The following TCERG1L variants were observed in gnomAD, a reference collection of about 807,000 sequenced individuals.
The protein encoded by TCERG1L is transcription elongation regulator 1 like.
TCERG1L carries 37 observed loss-of-function variants against 56.3 expected under a neutral mutation model. The observed-to-expected ratio is 0.66, with a 90% CI of 0.51 to 0.87. The LOEUF is 0.87. Ranked by LOEUF, TCERG1L falls within the 40% of genes least tolerant of loss-of-function variation. TCERG1L has a pLI of 0.00. For missense variants in TCERG1L, 799 were observed against 774.2 expected (o/e 1.03, Z -0.38); for synonymous variants, 324 against 326.3 (o/e 0.99, Z 0.08).
chr10:131,104,428 A>C (rs1845331243), intron 9 of TCERG1L, 74 bp from the exon 10 acceptor site: 2 of 971,508 alleles, frequency 2.1e-6, no homozygotes, highest in Non-Finnish European at 3.2e-6. Flanking sequence ...AATGATCCAC[A>C]GTTAAAAACA....
intron 4 of TCERG1L, among the ~76,000 whole-genome samples, chr10:131,220,195 C>T (rs1383241174): frequency 6.6e-6 from 1 of 152,204 alleles, no homozygotes; most frequent in Non-Finnish European, 1.5e-5. Flanking sequence ...CCCCCAACAT[C>T]CCCTGGCTCT....
intron 4 of TCERG1L, among the ~76,000 whole-genome samples, chr10:131,240,306 C>G (rs574669577): frequency 1.3e-5 from 2 of 152,206 alleles, no homozygotes; most frequent in African/African-American, 4.8e-5. Flanking sequence ...ATTATCCACA[C>G]GGAACTCAGA....
rs1357336726 is a variant in TCERG1L, at chr10:131,093,203, G to A, written c.1720C>T (p.Arg574Trp). The part of the protein sequence containing the change: ...FNQFILILKK[R>W]DKENRLRLRK... ...AGCCTTAGTCTGTTTTCCTTGTCCC[G>A]TTTCTTAAGAATAAGTATGAATTGG... The change falls in exon 12 of 12, where the codon CGG becomes TGG. Residue 574 changes from arginine to tryptophan, a missense_variant. Arg to Trp is a moderately radical substitution (Grantham distance 101, BLOSUM62 -3). Transcript: ENST00000368642. 7.4e-6 allele frequency: 12 copies of A among 1,613,766 alleles called. No homozygotes were observed. Among genetic ancestry groups the A allele is most frequent in the Admixed American group, 1.7e-5 (1 of 60,014 alleles).
intron 10 of TCERG1L, among the ~76,000 whole-genome samples, chr10:131,101,130 G>A (rs1845300489): frequency 6.6e-6 from 1 of 152,214 alleles, no homozygotes. Flanking sequence ...ACCAGCCCAG[G>A]CAGGCCCAAC....
intron 4 of TCERG1L, among the ~76,000 whole-genome samples, chr10:131,230,332 C>A (rs976147446): frequency 1.3e-5 from 2 of 152,216 alleles, no homozygotes; most frequent in African/African-American, 2.4e-5. Flanking sequence ...GTGGTCACTG[C>A]GTGCCTGTGA....
At chr10:131,258,066 C>T (rs933171408) in intron 4 of TCERG1L, among the ~76,000 whole-genome samples, 1 of 152,146 alleles carries the variant, frequency 6.6e-6, no homozygotes, top group Non-Finnish European at 1.5e-5. Context: ...ATTTCCTCTC[C>T]GCCAGGCCGG....
intron 4 of TCERG1L, among the ~76,000 whole-genome samples, chr10:131,258,525 A>T (rs1013543697): frequency 2.0e-5 from 3 of 152,184 alleles, no homozygotes; most frequent in Non-Finnish European, 4.4e-5. Flanking sequence ...AGACCTGCTC[A>T]TCACCGGTCC....
chr10:131,182,704 G>A (rs1357357695), intron 4 of TCERG1L, among the ~76,000 whole-genome samples: 5 of 152,246 alleles, frequency 3.3e-5, no homozygotes, highest in African/African-American at 7.2e-5. Flanking sequence ...ATATCAAGTC[G>A]GCTCTGACTT....
chr10:131,240,079 T>G (rs1845954256), intron 4 of TCERG1L, among the ~76,000 whole-genome samples: 1 of 152,204 alleles, frequency 6.6e-6, no homozygotes, highest in African/African-American at 2.4e-5. Flanking sequence ...GTCCCTGTGG[T>G]GGGACACGAC....
intron 8 of TCERG1L, among the ~76,000 whole-genome samples, chr10:131,128,883 G>T (rs984587834): frequency 1.3e-5 from 2 of 152,100 alleles, no homozygotes; most frequent in Admixed American, 1.3e-4. Context: ...TCCTGCCAGA[G>T]CACTAATCAA....
chr10:131,222,302 T>C (rs942944509), intron 4 of TCERG1L, among the ~76,000 whole-genome samples: 1 of 152,234 alleles, frequency 6.6e-6, no homozygotes. Flanking sequence ...ATACATGATA[T>C]TTTGTGCGGA....
At chr10:131,213,438 A>C (rs1845637134) in intron 4 of TCERG1L, among the ~76,000 whole-genome samples, 1 of 152,218 alleles carries the variant, frequency 6.6e-6, no homozygotes, top group South Asian at 2.1e-4. Context: ...GGATATTAGG[A>C]AACATGATTC....
intron 4 of TCERG1L, among the ~76,000 whole-genome samples, chr10:131,231,681 C>T (rs928602213): frequency 1.3e-5 from 2 of 152,282 alleles, no homozygotes; most frequent in Middle Eastern, 3.4e-3. Context: ...CAGCATCCAG[C>T]GCTGTGGGAG....
intron 4 of TCERG1L, among the ~76,000 whole-genome samples, chr10:131,172,471 T>C (rs10741245): frequency 0.81 from 123,110 of 152,246 alleles, 50,329 homozygotes; most frequent in Non-Finnish European, 0.88. Context: ...GGGCGTTGAC[T>C]CACAGATGGT....
chr10:131,120,678 G>A (rs1443171014), intron 8 of TCERG1L, among the ~76,000 whole-genome samples: 3 of 152,246 alleles, frequency 2.0e-5, no homozygotes, highest in Non-Finnish European at 4.4e-5. Context: ...AGACAGCCCA[G>A]CTGGATGGAT....
At chr10:131,236,139 T>C (rs991149299) in intron 4 of TCERG1L, among the ~76,000 whole-genome samples, 2 of 152,228 alleles carry the variant, frequency 1.3e-5, no homozygotes, top group Non-Finnish European at 2.9e-5. Context: ...AGATACTGTG[T>C]GTCTTGCCTA....
rs146790094 is a variant in TCERG1L, at chr10:131,093,761, G to A, written c.1605-443C>T. 2.0e-4 allele frequency among the ~76,000 whole-genome samples: 31 copies of A among 152,234 alleles called. No individual in the cohort carries two copies. The East Asian group carries it at 4.3e-3, about 21-fold the overall frequency. On this transcript the variant is annotated intron_variant, in intron 11 of 11. Transcript: ENST00000368642. ...TTTCTTCCCCCAGTTAGAGCTGCTCGTCATGAGAAACCAGGCCAGGGGGTC... is the reference window on the plus strand; with the variant it reads ...TTTCTTCCCCCAGTTAGAGCTGCTCATCATGAGAAACCAGGCCAGGGGGTC...
At chr10:131,126,975 A>G (rs1845571891) in intron 8 of TCERG1L, among the ~76,000 whole-genome samples, 1 of 152,126 alleles carries the variant, frequency 6.6e-6, no homozygotes, top group Non-Finnish European at 1.5e-5. Context: ...TAATCACTGA[A>G]AAAGCAAACC....
chr10:131,294,822 GTA>G lies in TCERG1L; in HGVS notation c.670+13387_670+13388del, dbSNP rs1202459821. On this transcript the variant is annotated intron_variant, in intron 3 of 11. Coordinates refer to ENST00000368642, the MANE Select transcript of TCERG1L (RefSeq NM_174937.4). ...AAACAAAATCCTGGCATTTTGTTGG[GTA>G]TGTCTTTTAAGCCTTTTTTTTTTTA... Among the ~76,000 whole-genome samples the G allele has an allele frequency of 2.6e-5, 4 of 151,290 alleles. No homozygotes were observed. The East Asian group carries it at 7.7e-4, about 29-fold the overall frequency.
Sources: allele counts gnomAD v4.1 joint callset (sites outside exome capture counted in the v4.1 genomes callset), GRCh38; gene constraint gnomAD v4.1.1; transcripts MANE v1.5; gene names NCBI Gene and HGNC (gene_info 2026-07-23, HGNC 2026-07-21).